The following CSMD1 variants were observed in gnomAD, a reference collection of about 807,000 sequenced individuals.
CSMD1 encodes the protein CUB and sushi domain-containing protein 1.
A neutral mutation model predicts 417.5 loss-of-function variants in CSMD1; 213 were observed. The ratio of observed to expected loss-of-function variants is 0.51; its 90% CI spans 0.46 to 0.57. The LOEUF is 0.57. Among genes scored for constraint, CSMD1 ranks in the 20% least tolerant of loss-of-function variants. The pLI is 0.00. For missense variants in CSMD1, 6,923 were observed against 4,529.7 expected (o/e 1.53, Z -15.17); for synonymous variants, 2,862 against 1,736.8 (o/e 1.65, Z -16.11).
chr8:4,344,442 T>G (rs1330422039), intron 3 of CSMD1, among the ~76,000 whole-genome samples: 2 of 152,080 alleles, frequency 1.3e-5, no homozygotes, highest in East Asian at 1.9e-4. Flanking sequence ...AAAACTGAAC[T>G]GCTCAAAGAT....
intron 11 of CSMD1, among the ~76,000 whole-genome samples, chr8:3,492,055 A>C (rs1008003525): frequency 7.9e-5 from 12 of 152,208 alleles, no homozygotes; most frequent in African/African-American, 2.9e-4. Flanking sequence ...TAATCAGTGA[A>C]GGAGAACTTG....
intron 5 of CSMD1, among the ~76,000 whole-genome samples, chr8:3,882,131 C>T (rs1197860295): frequency 1.3e-5 from 2 of 151,828 alleles, no homozygotes; most frequent in Non-Finnish European, 2.9e-5. Flanking sequence ...GAGAAAAAAT[C>T]ATCACAATTG....
intron 10 of CSMD1, among the ~76,000 whole-genome samples, chr8:3,544,622 C>T (rs1266976925): frequency 6.6e-6 from 1 of 152,038 alleles, no homozygotes; most frequent in Non-Finnish European, 1.5e-5. Flanking sequence ...GGCGGGGGCC[C>T]TGGGAACGGA....
intron 46 of CSMD1, among the ~76,000 whole-genome samples, chr8:3,104,250 C>T (rs574215581): frequency 5.3e-5 from 8 of 152,092 alleles, no homozygotes; most frequent in South Asian, 2.1e-4. Context: ...TTATATCCCC[C>T]CACCTTGAGG....
rs567032012 is a variant in CSMD1, at chr8:2,973,193, C to A, written c.8847G>T (p.Gly2949=). 114 of 1,613,838 alleles carry A rather than the reference C, an allele frequency of 7.1e-5. 1 individual carries two copies. Among genetic ancestry groups the A allele is most frequent in the Non-Finnish European group, 1.8e-5 (21 of 1,179,796 alleles). The change falls in exon 57 of 70, where the codon GGG becomes GGT. Residue 2949 remains glycine (G), a synonymous_variant. Coordinates refer to ENST00000635120, the MANE Select transcript of CSMD1 (RefSeq NM_033225.6). ...GTTCAGGGGAGCCCCTCAGCTGGTG[C>A]CCCATTTCACAGGAGAAGCGGAGAA... The part of the protein sequence containing the change: ...KSLLRFSCEM[G]HQLRGSPERT...
intron 10 of CSMD1, among the ~76,000 whole-genome samples, chr8:3,571,175 C>T (rs770423834): frequency 2.0e-5 from 3 of 152,092 alleles, no homozygotes; most frequent in Admixed American, 6.6e-5. Context: ...AAAACCAACG[C>T]CATCAACAAG....
chr8:4,714,475 C>G (rs985942821), intron 1 of CSMD1, among the ~76,000 whole-genome samples: 1 of 152,132 alleles, frequency 6.6e-6, no homozygotes, highest in Non-Finnish European at 1.5e-5. Context: ...CTTTCATATG[C>G]TTCATCTTAC....
rs368458370 is a variant in CSMD1, at chr8:4,125,063, G to A, written c.416-92964C>T. Among the ~76,000 whole-genome samples, 6 of 151,968 alleles carry A rather than the reference G, an allele frequency of 3.9e-5. No individual in the cohort carries two copies. In the East Asian group the frequency reaches 7.8e-4, roughly 20 times the overall value. On this transcript the variant is annotated intron_variant, in intron 3 of 69. Transcript: ENST00000635120. ...TTTCTCTAATTCAGCTGTAACACTC[G>A]CCGCTGCAGTCCACGGCTTCATTCC...
Position 3,793,011 on chromosome 8 carries a change from A to T in CSMD1, c.819-38969T>A, listed in dbSNP as rs144694570. Among the ~76,000 whole-genome samples, 17 of 152,204 alleles carry T rather than the reference A, an allele frequency of 1.1e-4. No individual in the cohort carries two copies. The East Asian group carries it at 3.1e-3, about 28-fold the overall frequency. On this transcript the variant is annotated intron_variant, in intron 5 of 69. Coordinates refer to ENST00000635120, the MANE Select transcript of CSMD1 (RefSeq NM_033225.6). ...CTCTACCACAGGTGTGAATTTCCTC[A>T]CTCTGCTTAAACTCTGAGGATGGGC...
chr8:4,840,322 G>A (rs1187122403), intron 1 of CSMD1, among the ~76,000 whole-genome samples: 1 of 152,194 alleles, frequency 6.6e-6, no homozygotes, highest in African/African-American at 2.4e-5. Flanking sequence ...ATTCAGCACA[G>A]CTGTTAACTG....
At chr8:4,588,530 C>G (rs1329419635) in intron 2 of CSMD1, among the ~76,000 whole-genome samples, 1 of 151,850 alleles carries the variant, frequency 6.6e-6, no homozygotes, top group Non-Finnish European at 1.5e-5. Context: ...CATGGTGGCA[C>G]ATGCCTGTAA....
At chr8:4,144,312 A>G (rs1027682003) in intron 3 of CSMD1, among the ~76,000 whole-genome samples, 1 of 150,944 alleles carries the variant, frequency 6.6e-6, no homozygotes, top group Non-Finnish European at 1.5e-5. Flanking sequence ...CCACTTAAAC[A>G]TGTCCTGGCC....
intron 3 of CSMD1, among the ~76,000 whole-genome samples, chr8:4,416,520 T>G (rs1796950952): frequency 6.6e-6 from 1 of 152,090 alleles, no homozygotes; most frequent in East Asian, 1.9e-4. Context: ...ACATTTTGAG[T>G]CTAAGAGTTT....
intron 3 of CSMD1, among the ~76,000 whole-genome samples, chr8:4,042,723 A>G (rs1413531855): frequency 2.6e-5 from 4 of 151,360 alleles, no homozygotes; most frequent in Non-Finnish European, 4.4e-5. Context: ...GAAGTGACAG[A>G]AATGACAGCA....
intron 2 of CSMD1, among the ~76,000 whole-genome samples, chr8:4,575,031 G>A (rs1333989406): frequency 6.6e-6 from 1 of 152,098 alleles, no homozygotes; most frequent in Admixed American, 6.5e-5. Context: ...AAGGGCCCCT[G>A]GAAAACCAGG....
At chr8:3,254,145 G>C (rs1486871814) in intron 26 of CSMD1, among the ~76,000 whole-genome samples, 1 of 152,108 alleles carries the variant, frequency 6.6e-6, no homozygotes, top group Non-Finnish European at 1.5e-5. Context: ...GCTTAGTTTG[G>C]CCGGATATGA....
chr8:3,676,684 T>C (rs376336143), intron 7 of CSMD1, among the ~76,000 whole-genome samples: 1 of 152,144 alleles, frequency 6.6e-6, no homozygotes, highest in Non-Finnish European at 1.5e-5. Flanking sequence ...TTCCATATCT[T>C]AAAGATGACT....
At chr8:3,125,513 A>C (rs966605690) in intron 41 of CSMD1, among the ~76,000 whole-genome samples, 11 of 152,232 alleles carry the variant, frequency 7.2e-5, no homozygotes, top group Admixed American at 3.3e-4. Context: ...GAATTTGATA[A>C]AGAAGTTACC....
At chr8:3,172,696 G>C (rs1334363110) in intron 37 of CSMD1, among the ~76,000 whole-genome samples, 1 of 152,116 alleles carries the variant, frequency 6.6e-6, no homozygotes, top group Non-Finnish European at 1.5e-5. Flanking sequence ...CCTCAGGGGA[G>C]GTGGGAGGAA....
Sources: gnomAD v4.1 joint callset for allele counts (sites outside exome capture counted in the v4.1 genomes callset) on GRCh38, gnomAD v4.1.1 for gene constraint, MANE v1.5 for transcripts, NCBI Gene and HGNC (gene_info 2026-07-23, HGNC 2026-07-21) for gene names.